ZMAT4: variants seen among roughly 807,000 people sequenced by gnomAD.
ZMAT4 encodes zinc finger matrin-type 4.
In ZMAT4, 17 loss-of-function variants were observed where a neutral mutation model predicts 28.7. That is an observed-to-expected ratio of 0.59 (90% confidence interval 0.41 to 0.89). The LOEUF (loss-of-function observed/expected upper bound fraction) is 0.89. Among genes scored for constraint, ZMAT4 ranks in the 40% least tolerant of loss-of-function variants. ZMAT4 has a pLI of 0.00. For synonymous variants in ZMAT4, 117 were observed against 109.2 expected (o/e 1.07, Z -0.44); for missense variants, 240 against 283.8 (o/e 0.85, Z 1.11).
intron 3 of ZMAT4, among the ~76,000 whole-genome samples, chr8:40,744,844 C>T (rs570601790): frequency 4.6e-5 from 7 of 152,162 alleles, no homozygotes; most frequent in South Asian, 4.1e-4. Context: ...AGCTCTAGTT[C>T]GGCAGCCCTT....
chr8:40,764,430 T>C (rs1474391761), intron 3 of ZMAT4, among the ~76,000 whole-genome samples: 3 of 152,138 alleles, frequency 2.0e-5, no homozygotes, highest in Admixed American at 2.0e-4. Flanking sequence ...CAATAGACCT[T>C]AGAAGTATAA....
At chr8:40,582,595 TC>T (rs1317885320) in intron 5 of ZMAT4, among the ~76,000 whole-genome samples, 1 of 152,244 alleles carries the variant, frequency 6.6e-6, no homozygotes, top group Non-Finnish European at 1.5e-5. Context: ...TTTGTTTTTA[TC>T]AATGCATAGT....
intron 3 of ZMAT4, among the ~76,000 whole-genome samples, chr8:40,766,790 T>C (rs143885725): frequency 1.3e-5 from 2 of 152,336 alleles, no homozygotes; most frequent in African/African-American, 4.8e-5. Context: ...TTTGTAAAGT[T>C]TCTTCAGTGA....
At chr8:40,653,477 A>G (rs1807777611) in intron 5 of ZMAT4, among the ~76,000 whole-genome samples, 2 of 152,138 alleles carry the variant, frequency 1.3e-5, no homozygotes. Flanking sequence ...AAAGTTGATT[A>G]TTTGAAAAGA....
chr8:40,567,700 C>CAA (rs576543188), intron 6 of ZMAT4, among the ~76,000 whole-genome samples: 1 of 105,174 alleles, frequency 9.5e-6, no homozygotes, highest in African/African-American at 3.6e-5. Context: ...AAGACTGTCT[C>CAA]AAAAAAAAAA....
chr8:40,737,018 T>G (rs1376332132), intron 3 of ZMAT4, among the ~76,000 whole-genome samples: 2 of 152,220 alleles, frequency 1.3e-5, no homozygotes, highest in African/African-American at 4.8e-5. Context: ...ATAAAGCATT[T>G]GGGCACAGAG....
chr8:40,825,797 G>C (rs7012780), intron 1 of ZMAT4, 117 bp from the exon 2 acceptor site: 2 of 724,862 alleles, frequency 2.8e-6, no homozygotes, highest in Admixed American at 4.6e-5. Context: ...TGACAGAGGG[G>C]TGGATCTCCC....
intron 5 of ZMAT4, among the ~76,000 whole-genome samples, chr8:40,650,400 C>T (rs1454893920): frequency 7.5e-6 from 1 of 132,696 alleles, no homozygotes; most frequent in African/African-American, 2.7e-5. Flanking sequence ...TCTGAATAGA[C>T]CAATAACAGG....
At chr8:40,827,048 C>T (rs2150614012) in intron 1 of ZMAT4, among the ~76,000 whole-genome samples, 1 of 152,252 alleles carries the variant, frequency 6.6e-6, no homozygotes, top group East Asian at 1.9e-4. Flanking sequence ...ATTTCACCAC[C>T]ATCATCTTAC....
At chr8:40,541,807 G>A (rs1803039076) in intron 6 of ZMAT4, among the ~76,000 whole-genome samples, 1 of 152,212 alleles carries the variant, frequency 6.6e-6, no homozygotes, top group South Asian at 2.1e-4. Flanking sequence ...ACACTGCAGT[G>A]CCTCGAAGTG....
chr8:40,737,271 C>T (rs950698448), intron 3 of ZMAT4, among the ~76,000 whole-genome samples: 1 of 151,282 alleles, frequency 6.6e-6, no homozygotes, highest in Non-Finnish European at 1.5e-5. Flanking sequence ...TATGTGTGGT[C>T]CAAGACAACT....
chr8:40,775,995 G>A (rs1248180370), intron 2 of ZMAT4, among the ~76,000 whole-genome samples: 2 of 152,160 alleles, frequency 1.3e-5, no homozygotes, highest in African/African-American at 4.8e-5. Context: ...GAGAGCCATC[G>A]CCAGAAACCG....
At chr8:40,871,055 A>T (rs538461485) in intron 1 of ZMAT4, among the ~76,000 whole-genome samples, 1 of 152,312 alleles carries the variant, frequency 6.6e-6, no homozygotes, top group African/African-American at 2.4e-5. Context: ...GAGACCATTC[A>T]CTTGAGACAT....
At chr8:40,627,815 C>T (rs1563373794) in intron 5 of ZMAT4, among the ~76,000 whole-genome samples, 2 of 151,750 alleles carry the variant, frequency 1.3e-5, no homozygotes, top group African/African-American at 2.4e-5. Context: ...TGATATAGCC[C>T]TATTTCTTAG....
chr8:40,793,544 C>G (rs115692531), intron 2 of ZMAT4, among the ~76,000 whole-genome samples: 1 of 152,294 alleles, frequency 6.6e-6, no homozygotes, highest in Non-Finnish European at 1.5e-5. Flanking sequence ...TCCTTTCAAG[C>G]GTTACAAATT....
intron 5 of ZMAT4, among the ~76,000 whole-genome samples, chr8:40,587,915 A>G (rs1804720874): frequency 6.6e-6 from 1 of 152,054 alleles, no homozygotes; most frequent in Admixed American, 6.5e-5. Context: ...AGAAAAAGAC[A>G]TCCTATGAAA....
At chr8:40,766,208 T>C (rs1813152189) in intron 3 of ZMAT4, among the ~76,000 whole-genome samples, 2 of 152,244 alleles carry the variant, frequency 1.3e-5, no homozygotes, top group African/African-American at 4.8e-5. Context: ...TGTTTCTTTG[T>C]GCAGGATGTT....
At chr8:40,650,664 G>A (rs1296826157) in intron 5 of ZMAT4, among the ~76,000 whole-genome samples, 1 of 127,200 alleles carries the variant, frequency 7.9e-6, no homozygotes, top group Non-Finnish European at 1.7e-5. Context: ...GAACATTGAT[G>A]CAAAAATCCT....
At chr8:40,571,557 A>T (rs183016504) in intron 6 of ZMAT4, among the ~76,000 whole-genome samples, 17 of 152,272 alleles carry the variant, frequency 1.1e-4, no homozygotes, top group African/African-American at 3.6e-4. Context: ...GCTGTGACAC[A>T]GCCTCATTCC....
Sources: allele counts gnomAD v4.1 joint callset (sites outside exome capture counted in the v4.1 genomes callset), GRCh38; gene constraint gnomAD v4.1.1; transcripts MANE v1.5; gene names NCBI Gene and HGNC (gene_info 2026-07-23, HGNC 2026-07-21).